RTF1: variants seen among roughly 807,000 people sequenced by gnomAD.
The protein encoded by RTF1 is RTF1 homolog, Paf1/RNA polymerase II complex component.
RTF1 carries 10 observed loss-of-function variants against 95.7 expected under a neutral mutation model. That is an observed-to-expected ratio of 0.10 (90% CI 0.06 to 0.18). The LOEUF is 0.18. Among genes scored for constraint, RTF1 ranks in the 10% least tolerant of loss-of-function variants. RTF1 has a pLI of 1.00. For missense variants in RTF1, 458 were observed against 875.6 expected, an observed-to-expected ratio of 0.52 and a Z score of 6.02; for synonymous variants, 305 against 311.8, an observed-to-expected ratio of 0.98 and a Z score of 0.23.
At position 41,480,936 on chromosome 15, in the gene RTF1, A is replaced by C; in HGVS notation, c.*249A>C. The C allele has an allele frequency of 2.0e-6, 1 of 498,148 alleles. No individual in the cohort carries two copies. The highest frequency in any genetic ancestry group is 3.3e-5 in the East Asian group (1 of 30,240). The allele number at this position is 498,148 out of a possible 1,614,324, so 30.9% of individuals were successfully genotyped here. The stretch of plus-strand genomic sequence containing the variant: ...GCCTGGGCTCTCTTGGGCTTTATCC[A>C]TGTCTTTAGATTTGTGTTTGCCTTT... On this transcript the variant is annotated 3_prime_UTR_variant, in exon 18 of 18. Transcript: ENST00000389629.
chr15:41,425,865 G>C (rs370043289), intron 1 of RTF1, among the ~76,000 whole-genome samples: 10 of 152,312 alleles, frequency 6.6e-5, no homozygotes, highest in Non-Finnish European at 1.3e-4. Flanking sequence ...CCAGGCACTG[G>C]CATGAGATGG....
chr15:41,434,124 C>T (rs947075880), intron 1 of RTF1, among the ~76,000 whole-genome samples: 1 of 148,984 alleles, frequency 6.7e-6, no homozygotes, highest in Non-Finnish European at 1.5e-5. Context: ...GAATTACAGG[C>T]GTGAGCCACC....
intron 2 of RTF1, among the ~76,000 whole-genome samples, chr15:41,444,379 C>T (rs2050750320): frequency 6.6e-6 from 1 of 151,880 alleles, no homozygotes; most frequent in Non-Finnish European, 1.5e-5. Flanking sequence ...CTGCAACCTC[C>T]GCCTCCTGGG....
chr15:41,456,129 C>T (rs2050814163), intron 3 of RTF1, among the ~76,000 whole-genome samples: 1 of 151,084 alleles, frequency 6.6e-6, no homozygotes, highest in African/African-American at 2.4e-5. Flanking sequence ...TTGCTTGAAC[C>T]CGAGAGGTAG....
Position 41,477,528 on chromosome 15 carries a change from T to C in RTF1, c.1740+13T>C, listed in dbSNP as rs1237305318. 5 of 1,609,558 alleles carry C rather than the reference T, an allele frequency of 3.1e-6. No individual in the cohort carries two copies. Among genetic ancestry groups the C allele is most frequent in the Non-Finnish European group, 3.4e-6 (4 of 1,175,802 alleles). On this transcript the variant is annotated intron_variant, in intron 14 of 17. Coordinates refer to ENST00000389629, the MANE Select transcript of RTF1 (RefSeq NM_015138.5). ...GAAGGCCCTTGTGGTAAGAAAACTTTATCTGAATCACTAAAACAAAGTTAA... is the reference window on the plus strand; with the variant it reads ...GAAGGCCCTTGTGGTAAGAAAACTTCATCTGAATCACTAAAACAAAGTTAA...
At chr15:41,475,359 A>G (rs191770075) in intron 9 of RTF1, among the ~76,000 whole-genome samples, 166 bp from the exon 10 acceptor site, 129 of 152,340 alleles carry the variant, frequency 8.5e-4, no homozygotes, top group Middle Eastern at 3.4e-3. Flanking sequence ...TGGGATCTCA[A>G]TCTTGGCAGC....
intron 3 of RTF1, among the ~76,000 whole-genome samples, chr15:41,455,203 A>G (rs1269780999): frequency 2.0e-5 from 3 of 151,108 alleles, no homozygotes; most frequent in Non-Finnish European, 4.4e-5. Context: ...AATCCCTAAT[A>G]CTCTGGAGGC....
At chr15:41,437,803 C>T (rs1225790869) in intron 1 of RTF1, among the ~76,000 whole-genome samples, 1 of 152,190 alleles carries the variant, frequency 6.6e-6, no homozygotes, top group Non-Finnish European at 1.5e-5. Flanking sequence ...GGCCAGCACA[C>T]TTACTGCTTG....
At chr15:41,478,440 G>GGT in intron 14 of RTF1, 108 bp from the exon 15 acceptor site, 1 of 798,942 alleles carries the variant, frequency 1.3e-6, no homozygotes, top group Non-Finnish European at 2.0e-6. Context: ...AAGGATAATA[G>GGT]CTTTTTTTTT....
intron 6 of RTF1, among the ~76,000 whole-genome samples, chr15:41,466,940 G>T (rs1351540642): frequency 6.6e-6 from 1 of 152,176 alleles, no homozygotes; most frequent in Non-Finnish European, 1.5e-5. Flanking sequence ...GAATTGGTCA[G>T]ATTTGGGTTT....
chr15:41,454,122 G>A (rs544836984), intron 3 of RTF1, among the ~76,000 whole-genome samples: 1 of 152,162 alleles, frequency 6.6e-6, no homozygotes, highest in Non-Finnish European at 1.5e-5. Context: ...TCGAGACAGA[G>A]TTTCGCTCTT....
At chr15:41,429,198 G>A (rs2140947076) in intron 1 of RTF1, among the ~76,000 whole-genome samples, 1 of 152,274 alleles carries the variant, frequency 6.6e-6, no homozygotes, top group South Asian at 2.1e-4. Flanking sequence ...ACCACGCCCA[G>A]CCAATATTCA....
chr15:41,463,938 G>A (rs1235232168), intron 4 of RTF1, among the ~76,000 whole-genome samples: 6 of 148,210 alleles, frequency 4.0e-5, no homozygotes, highest in African/African-American at 1.2e-4. Context: ...TGCAACCTCC[G>A]ACTCCTGGGT....
intron 1 of RTF1, among the ~76,000 whole-genome samples, chr15:41,429,912 C>T (rs1429772118): frequency 6.6e-6 from 1 of 151,878 alleles, no homozygotes; most frequent in Non-Finnish European, 1.5e-5. Flanking sequence ...GTTTGTCTCC[C>T]ATACTTGATT....
At chr15:41,478,850 A>G in intron 15 of RTF1, 1 of 608,412 alleles carries the variant, frequency 1.6e-6, no homozygotes, top group Non-Finnish European at 2.9e-6. Flanking sequence ...ATCCTCCTGT[A>G]TCAGGGTGGG....
chr15:41,480,740 CT>C lies in RTF1; in HGVS notation c.*56del, dbSNP rs1430219269. 3.2e-6 allele frequency: 4 copies of C among 1,261,112 alleles called. No homozygotes were observed. Among genetic ancestry groups the C allele is most frequent in the Non-Finnish European group, 4.6e-6 (4 of 861,326 alleles). The allele number at this position is 1,261,112 out of a possible 1,614,324, so 78.1% of individuals were successfully genotyped here. A position where few individuals can be genotyped will look rare whatever the true frequency, so the allele number is the denominator to read the frequency against. ...TGCATGCCCCATCGCAGCGTCCCACCTTTCCTCCTTTCCTTTGATTTAGCCT... is the reference window on the plus strand; with the variant it reads ...TGCATGCCCCATCGCAGCGTCCCACCTTCCTCCTTTCCTTTGATTTAGCCT... On this transcript the variant is annotated 3_prime_UTR_variant, in exon 18 of 18. Coordinates refer to ENST00000389629, the MANE Select transcript of RTF1 (RefSeq NM_015138.5).
At chr15:41,448,888 T>A (rs947951675) in intron 2 of RTF1, 7 of 151,896 alleles carry the variant, frequency 4.6e-5, no homozygotes, top group African/African-American at 1.7e-4. Flanking sequence ...ATTAAATTAA[T>A]TAATTTATTT....
Position 41,471,106 on chromosome 15 carries a change from T to G in RTF1, c.1026-66T>G, listed in dbSNP as rs1383592841. 4.1e-6 allele frequency: 6 copies of G among 1,459,508 alleles called. No homozygotes were observed. In the South Asian group the frequency reaches 6.7e-5, roughly 16 times the overall value. 90.4% of individuals were successfully genotyped at this position (1,459,508 alleles called of 1,614,324 possible). On this transcript the variant is annotated intron_variant, in intron 7 of 17. Coordinates refer to ENST00000389629, the MANE Select transcript of RTF1 (RefSeq NM_015138.5). ...TTGGTTAAGTTTTGAGGAGTTGATATTATTTTTCTGTCTTGTTCTGTTTTT... is the reference window on the plus strand; with the variant it reads ...TTGGTTAAGTTTTGAGGAGTTGATAGTATTTTTCTGTCTTGTTCTGTTTTT...
At chr15:41,432,553 T>C (rs1021297469) in intron 1 of RTF1, among the ~76,000 whole-genome samples, 1 of 152,126 alleles carries the variant, frequency 6.6e-6, no homozygotes, top group African/African-American at 2.4e-5. Context: ...ACTAATGTCT[T>C]AACACTTCAG....
Sources: allele counts gnomAD v4.1 joint callset (sites outside exome capture counted in the v4.1 genomes callset), GRCh38; gene constraint gnomAD v4.1.1; transcripts MANE v1.5; gene names NCBI Gene and HGNC (gene_info 2026-07-23, HGNC 2026-07-21).